Variants in SLC35D1 observed in about 807,000 individuals in gnomAD.
SLC35D1 encodes solute carrier family 35 member D1, also known as nucleotide sugar transporter SLC35D1.
A neutral mutation model predicts 46.7 loss-of-function variants in SLC35D1; 31 were observed. The ratio of observed to expected loss-of-function variants is 0.66; its 90% CI spans 0.50 to 0.90. The LOEUF is 0.90. Ranked by LOEUF, SLC35D1 falls within the 40% of genes least tolerant of loss-of-function variation. The pLI is 0.00. For missense variants in SLC35D1, 397 were observed against 426.2 expected (o/e 0.93, Z 0.60); for synonymous variants, 195 against 164.6 (o/e 1.18, Z -1.41).
chr1:66,992,045 C>A, the SLC35D1 span, among the ~76,000 whole-genome samples: 1 of 152,198 alleles, frequency 6.6e-6, no homozygotes, highest in Admixed American at 6.5e-5. Context: ...GGTAATAGTA[C>A]AGGTCTACAA....
chr1:67,047,234 A>G, intron 7 of SLC35D1, 31 bp downstream of exon 7: 1 of 1,537,294 alleles, frequency 6.5e-7, no homozygotes, highest in Non-Finnish European at 9.0e-7. Flanking sequence ...ACATCAGTAC[A>G]CAACTGTTAA....
intron 8 of SLC35D1, among the ~76,000 whole-genome samples, chr1:67,038,736 T>C (rs1033855590): frequency 2.0e-5 from 3 of 152,178 alleles, no homozygotes; most frequent in African/African-American, 7.2e-5. Flanking sequence ...AGTTAGAAGA[T>C]ACATGTTTTA....
At chr1:66,986,621 C>CT in the SLC35D1 span, 4 of 642,390 alleles carry the variant, frequency 6.2e-6, no homozygotes, top group Non-Finnish European at 1.1e-5. Flanking sequence ...ATGTGAACAA[C>CT]TTTTTTTCCC....
intron 8 of SLC35D1, among the ~76,000 whole-genome samples, chr1:67,025,175 C>T (rs981736050): frequency 6.6e-6 from 1 of 152,114 alleles, no homozygotes; most frequent in African/African-American, 2.4e-5. Context: ...TTGTGAGGTA[C>T]TAAGGATTAG....
At chr1:67,043,335 G>A (rs775582112) in intron 7 of SLC35D1, among the ~76,000 whole-genome samples, 8 of 151,972 alleles carry the variant, frequency 5.3e-5, no homozygotes, top group Non-Finnish European at 7.4e-5. Flanking sequence ...TTGTGCCCCT[G>A]TACTCCAACC....
In SLC35D1 at chr1:67,004,410, G is replaced by A. The variant is rs1333377600; in HGVS notation, c.998C>T (p.Thr333Ile). Residue 333 changes from threonine (T) to isoleucine (I), a missense_variant, in exon 12 of 12, where the codon ACT (threonine) becomes ATT (isoleucine). By Grantham distance (89) the Thr-to-Ile change is moderately conservative. Transcript: ENST00000235345. ...GSLVYSYITF[T>I]EEQLSKQSEA... ...TGACTGTTTGCTCAGCTGCTCTTCA[G>A]TGAAAGTGATATAGGAATATACCAG... 6 of 1,614,026 alleles carry A rather than the reference G, an allele frequency of 3.7e-6. No homozygotes were observed. In the Admixed American group the frequency reaches 5.0e-5, roughly 13 times the overall value.
the SLC35D1 span, among the ~76,000 whole-genome samples, chr1:66,981,523 C>T: frequency 6.6e-6 from 1 of 152,186 alleles, no homozygotes. Flanking sequence ...CTGCCTACAA[C>T]TTTACAAGCT....
chr1:66,992,187 C>T, the SLC35D1 span, among the ~76,000 whole-genome samples: 777 of 152,262 alleles, frequency 5.1e-3, 20 homozygotes, highest in East Asian at 0.081. Context: ...ATTTTGTAGC[C>T]AAATTCGACA....
the SLC35D1 span, among the ~76,000 whole-genome samples, chr1:66,989,539 T>C: frequency 1.3e-5 from 2 of 152,230 alleles, no homozygotes; most frequent in African/African-American, 4.8e-5. Flanking sequence ...CATGGCTCAC[T>C]GCAGCCTTGA....
In SLC35D1 at chr1:67,052,816, GAGCGCCTTTCCCACCCAGAGAAC is replaced by G. The variant is rs1645324386; in HGVS notation, c.256_278del (p.Val86GlnfsTer7). On this transcript the variant is annotated frameshift_variant, in exon 3 of 12. Transcript: ENST00000235345. LOFTEE classifies it high-confidence loss of function. ...CAAGGTCAGGAAACTTGACTACTCT[GAGCGCCTTTCCCACCCAGAGAAC>G]TGCCACTGTGGCCACCATCTGTAAA... is the stretch of plus-strand genomic sequence containing the variant. 1 of 1,614,006 alleles carries G rather than the reference GAGCGCCTTTCCCACCCAGAGAAC, an allele frequency of 6.2e-7. No individual in the cohort carries two copies. Among genetic ancestry groups the G allele is most frequent in the African/African-American group, 1.3e-5 (1 of 74,890 alleles).
At chr1:67,004,561 A>G (rs926407398) in intron 11 of SLC35D1, 113 bp from the exon 12 acceptor site, 1 of 823,324 alleles carries the variant, frequency 1.2e-6, no homozygotes, top group African/African-American at 1.7e-5. Context: ...AAAGTTTCAC[A>G]GTGGGGAAAT....
chr1:66,988,078 CTG>C, the SLC35D1 span: 1 of 152,096 alleles, frequency 6.6e-6, no homozygotes, highest in South Asian at 2.1e-4. Flanking sequence ...CTTGGAATAA[CTG>C]AGGGCTGGTG....
At position 67,013,373 on chromosome 1, in the gene SLC35D1, C is replaced by G. The variant is rs1397100246; in HGVS notation, c.877-4206G>C. Among the ~76,000 whole-genome samples, 8 of 150,860 alleles carry G rather than the reference C, an allele frequency of 5.3e-5. No homozygotes were observed. The East Asian group carries it at 1.6e-3, about 29-fold the overall frequency. ...ACTAGCCTGGGCAACATGGCAAAAC[C>G]CTGTTTCTATAAAAAATAAAATAAA... On this transcript the variant is annotated intron_variant, in intron 10 of 11. Transcript: ENST00000235345.
chr1:67,036,742 C>G (rs977043568), intron 8 of SLC35D1, among the ~76,000 whole-genome samples: 1 of 149,082 alleles, frequency 6.7e-6, no homozygotes, highest in Non-Finnish European at 1.5e-5. Flanking sequence ...ATCCATTTAG[C>G]TACTGTATGT....
At chr1:67,044,789 A>G (rs891211105) in intron 7 of SLC35D1, among the ~76,000 whole-genome samples, 8 of 152,242 alleles carry the variant, frequency 5.3e-5, no homozygotes, top group African/African-American at 1.9e-4. Flanking sequence ...TCAATGGACT[A>G]TAATTGTAAG....
the SLC35D1 span, among the ~76,000 whole-genome samples, chr1:66,989,304 CGTT>C: frequency 6.6e-6 from 1 of 152,110 alleles, no homozygotes; most frequent in Non-Finnish European, 1.5e-5. Context: ...GTATTCTCAT[CGTT>C]GTTAACATGA....
intron 4 of SLC35D1, among the ~76,000 whole-genome samples, chr1:67,051,232 G>A (rs915859733): frequency 4.6e-5 from 7 of 152,188 alleles, no homozygotes; most frequent in Middle Eastern, 3.4e-3. Flanking sequence ...CAGGTTTCTC[G>A]GGTTTTAAAG....
At chr1:67,047,945 G>A (rs1645269164) in intron 6 of SLC35D1, among the ~76,000 whole-genome samples, 1 of 152,210 alleles carries the variant, frequency 6.6e-6, no homozygotes, top group Admixed American at 6.5e-5. Context: ...GGGGTTTAGG[G>A]AAACTGAAAA....
chr1:67,012,071 C>G (rs906022287), intron 10 of SLC35D1, among the ~76,000 whole-genome samples: 1 of 152,152 alleles, frequency 6.6e-6, no homozygotes, highest in Non-Finnish European at 1.5e-5. Flanking sequence ...ATTTTTGAGT[C>G]ACGTCAGGTG....
Sources: allele counts gnomAD v4.1 joint callset (sites outside exome capture counted in the v4.1 genomes callset), GRCh38; gene constraint gnomAD v4.1.1; transcripts MANE v1.5; gene names NCBI Gene and HGNC (gene_info 2026-07-23, HGNC 2026-07-21).